The following GLIS3 variants were observed in gnomAD, a reference collection of about 807,000 sequenced individuals.
GLIS3 encodes GLIS family zinc finger 3, also known as zinc finger protein GLIS3.
In GLIS3, 53 loss-of-function variants were observed where a neutral mutation model predicts 78.6. That is an observed-to-expected ratio of 0.67 (90% CI 0.54 to 0.85). GLIS3 has a LOEUF of 0.85. Ranked by LOEUF, GLIS3 falls within the 40% of genes least tolerant of loss-of-function variation. The pLI, the probability that GLIS3 is intolerant of heterozygous loss-of-function variation, is 0.00. For missense variants in GLIS3, 1,703 were observed against 1,231.1 expected (o/e 1.38, Z -5.74); for synonymous variants, 684 against 509.9 (o/e 1.34, Z -4.60).
At position 4,143,241 on chromosome 9, in the gene GLIS3, TTG is replaced by T. The variant is rs140580360; in HGVS notation, c.389-17302_389-17301del. 3.9e-3 allele frequency among the ~76,000 whole-genome samples: 586 copies of T among 150,360 alleles called. 1 individual carries two copies. Among genetic ancestry groups the T allele is most frequent in the Admixed American group, 7.6e-3 (115 of 15,064 alleles). On this transcript the variant is annotated intron_variant, in intron 2 of 10. Coordinates refer to ENST00000381971, the MANE Select transcript of GLIS3 (RefSeq NM_001042413.2). ...CCTTTGCATGTGCGCACGTGTGTATTTGTGTGTGTGTGTGTGTAGTGAGAAGT... is the reference window on the plus strand; with the variant it reads ...CCTTTGCATGTGCGCACGTGTGTATTTGTGTGTGTGTGTGTAGTGAGAAGT...
chr9:4,040,807 G>A (rs1332468306), intron 4 of GLIS3, among the ~76,000 whole-genome samples: 2 of 152,164 alleles, frequency 1.3e-5, no homozygotes, highest in African/African-American at 4.8e-5. Context: ...CTGTCAACTG[G>A]GTCAACTGGG....
intron 2 of GLIS3, among the ~76,000 whole-genome samples, chr9:4,192,932 A>C (rs1340058084): frequency 6.6e-6 from 1 of 152,240 alleles, no homozygotes; most frequent in African/African-American, 2.4e-5. Flanking sequence ...TGTGGACAGG[A>C]TACTGCAAGG....
rs933414212 is a variant in GLIS3, at chr9:3,827,355, T to G, written c.*917A>C. 6.6e-6 allele frequency: 1 copy of G among 152,228 alleles called. No individual in the cohort carries two copies. Among genetic ancestry groups the G allele is most frequent in the Non-Finnish European group, 1.5e-5 (1 of 68,078 alleles). The allele number at this position is 152,228 out of a possible 1,614,324, so 9.4% of individuals were successfully genotyped here. On this transcript the variant is annotated 3_prime_UTR_variant, in exon 11 of 11. Transcript: ENST00000381971. The stretch of plus-strand genomic sequence containing the variant: ...GCAGCACCAGAGTGGAGGCAATGGG[T>G]AAACCAGTCAAACAACATTTTTCTT...
the GLIS3 span, among the ~76,000 whole-genome samples, chr9:4,375,204 G>C: frequency 6.6e-6 from 1 of 152,164 alleles, no homozygotes; most frequent in Non-Finnish European, 1.5e-5. Flanking sequence ...TTCAAAAGAG[G>C]TTTGAAGGGA....
At chr9:4,148,435 T>C (rs568314788) in intron 2 of GLIS3, among the ~76,000 whole-genome samples, 1 of 152,268 alleles carries the variant, frequency 6.6e-6, no homozygotes, top group African/African-American at 2.4e-5. Flanking sequence ...GAAAGAAACC[T>C]TCCATATTCC....
chr9:4,436,977 A>T, the GLIS3 span, among the ~76,000 whole-genome samples: 1 of 152,156 alleles, frequency 6.6e-6, no homozygotes, highest in African/African-American at 2.4e-5. Context: ...AGAGCAACTA[A>T]ATCCACATAA....
the GLIS3 span, among the ~76,000 whole-genome samples, chr9:4,353,851 C>A: frequency 1.3e-5 from 2 of 152,150 alleles, no homozygotes; most frequent in African/African-American, 4.8e-5. Context: ...CTCTGAAGAA[C>A]TGCAGGAAAT....
intron 4 of GLIS3, among the ~76,000 whole-genome samples, chr9:4,052,992 G>C (rs1487621564): frequency 6.6e-6 from 1 of 152,062 alleles, no homozygotes; most frequent in East Asian, 1.9e-4. Context: ...GTGTTGCCCA[G>C]CCTGGAGTGC....
chr9:4,169,589 C>G (rs1438549257), intron 2 of GLIS3, among the ~76,000 whole-genome samples: 1 of 152,174 alleles, frequency 6.6e-6, no homozygotes, highest in Non-Finnish European at 1.5e-5. Context: ...CAGTATTTAT[C>G]ACTGTTAGTT....
chr9:4,470,189 G>A, the GLIS3 span, among the ~76,000 whole-genome samples: 1 of 152,120 alleles, frequency 6.6e-6, no homozygotes. Context: ...AGAGGAGCTG[G>A]TACCATTACT....
intron 2 of GLIS3, among the ~76,000 whole-genome samples, chr9:4,141,351 C>A (rs1833800524): frequency 6.6e-6 from 1 of 152,148 alleles, no homozygotes; most frequent in African/African-American, 2.4e-5. Flanking sequence ...AAAGGCCAGA[C>A]CTTCGGGCCT....
At chr9:4,435,812 G>T in the GLIS3 span, among the ~76,000 whole-genome samples, 1 of 152,168 alleles carries the variant, frequency 6.6e-6, no homozygotes, top group Non-Finnish European at 1.5e-5. Context: ...AGCCGGGCGT[G>T]GTGGCAGGCT....
chr9:3,974,045 T>C (rs934315251), intron 4 of GLIS3, among the ~76,000 whole-genome samples: 2 of 152,146 alleles, frequency 1.3e-5, no homozygotes, highest in Admixed American at 6.6e-5. Flanking sequence ...TAAATGGACA[T>C]ATGGTACAAA....
the GLIS3 span, among the ~76,000 whole-genome samples, chr9:4,442,507 A>T: frequency 6.6e-6 from 1 of 152,124 alleles, no homozygotes; most frequent in Non-Finnish European, 1.5e-5. Flanking sequence ...ACGATCAGAT[A>T]ATAAGGGAAA....
chr9:4,385,810 A>AAAGG, the GLIS3 span, among the ~76,000 whole-genome samples: 1 of 41,534 alleles, frequency 2.4e-5, no homozygotes, highest in South Asian at 7.4e-4. Flanking sequence ...AGAAAGAAAG[A>AAAGG]AAAGAAAGAA....
chr9:4,328,740 G>A (rs572771948), intron 2 of GLIS3, among the ~76,000 whole-genome samples: 6 of 149,476 alleles, frequency 4.0e-5, no homozygotes, highest in East Asian at 2.0e-4. Flanking sequence ...TTTTCCCTGC[G>A]TAAAACAGGT....
Position 4,135,678 on chromosome 9 carries a change from T to C in GLIS3, c.389-9737A>G, listed in dbSNP as rs535718948. Among the ~76,000 whole-genome samples, 4 of 152,290 alleles carry C rather than the reference T, an allele frequency of 2.6e-5. No homozygotes were observed. In the East Asian group the frequency reaches 7.7e-4, roughly 29 times the overall value. On this transcript the variant is annotated intron_variant, in intron 2 of 10. Coordinates refer to ENST00000381971, the MANE Select transcript of GLIS3 (RefSeq NM_001042413.2). The stretch of plus-strand genomic sequence containing the variant: ...AATCTTAGGCAAGGCATAGTATCAA[T>C]CCAAGCCTTTCCTCTTTTCTCAAAT...
At chr9:4,338,206 T>A (rs1000877659) in intron 2 of GLIS3, among the ~76,000 whole-genome samples, 2 of 152,206 alleles carry the variant, frequency 1.3e-5, no homozygotes, top group African/African-American at 4.8e-5. Context: ...ATTTTGCTGC[T>A]GCTATGTGTT....
intron 2 of GLIS3, among the ~76,000 whole-genome samples, chr9:4,314,410 C>CA (rs890094565): frequency 5.9e-5 from 9 of 151,986 alleles, no homozygotes; most frequent in African/African-American, 1.9e-4. Context: ...CCACTCCATG[C>CA]AAAAAAAGAT....
Sources: gnomAD v4.1 joint callset for allele counts (sites outside exome capture counted in the v4.1 genomes callset) on GRCh38, gnomAD v4.1.1 for gene constraint, MANE v1.5 for transcripts, NCBI Gene and HGNC (gene_info 2026-07-23, HGNC 2026-07-21) for gene names.